The following LHFPL3 variants were observed in gnomAD, a reference collection of about 807,000 sequenced individuals.
The protein encoded by LHFPL3 is LHFPL tetraspan subfamily member 3 protein.
LHFPL3 carries 5 observed loss-of-function variants against 19.3 expected under a neutral mutation model. The ratio of observed to expected loss-of-function variants is 0.26; its 90% confidence interval spans 0.14 to 0.54. LHFPL3 has a LOEUF of 0.54. LHFPL3 is among the 20% of genes least tolerant of loss of function. The pLI is 0.94. For synonymous variants in LHFPL3, 133 were observed against 126.2 expected (o/e 1.05, Z -0.36); for missense variants, 249 against 307.4 (o/e 0.81, Z 1.42).
intron 2 of LHFPL3, among the ~76,000 whole-genome samples, chr7:104,807,011 A>ATGTGTGTGTGTGTGTGTGTGTG (rs10665231): frequency 3.6e-5 from 5 of 139,670 alleles, no homozygotes; most frequent in South Asian, 2.5e-4. Context: ...CAAAATATAT[A>ATGTGTGTGTGTGTGTGTGTGTG]TGTGTGTGTG....
At chr7:104,791,723 G>A (rs1266700319) in intron 2 of LHFPL3, among the ~76,000 whole-genome samples, 1 of 152,076 alleles carries the variant, frequency 6.6e-6, no homozygotes, top group Non-Finnish European at 1.5e-5. Flanking sequence ...GGAGAGATTC[G>A]GATTTTCAGG....
intron 1 of LHFPL3, among the ~76,000 whole-genome samples, chr7:104,571,026 CT>C (rs996732397): frequency 1.3e-5 from 2 of 152,092 alleles, no homozygotes; most frequent in Admixed American, 6.6e-5. Context: ...GTAAAAAGAG[CT>C]TTTTTGGAGA....
chr7:104,397,812 A>T (rs1791221942), intron 1 of LHFPL3, among the ~76,000 whole-genome samples: 1 of 152,214 alleles, frequency 6.6e-6, no homozygotes, highest in Non-Finnish European at 1.5e-5. Flanking sequence ...TTGGCTTTGG[A>T]GGAAGTGTGG....
At chr7:104,443,551 GA>G (rs1747082495) in intron 1 of LHFPL3, among the ~76,000 whole-genome samples, 1 of 152,238 alleles carries the variant, frequency 6.6e-6, no homozygotes, top group South Asian at 2.1e-4. Context: ...AGAATAGTCA[GA>G]AGCATTTAAG....
chr7:104,409,622 ATAAG>A (rs1562888788), intron 1 of LHFPL3, among the ~76,000 whole-genome samples: 1 of 152,174 alleles, frequency 6.6e-6, no homozygotes, highest in Non-Finnish European at 1.5e-5. Flanking sequence ...CCAAAAAAGA[ATAAG>A]TAAATAAATA....
chr7:104,899,963 C>A (rs1029839706), intron 2 of LHFPL3, among the ~76,000 whole-genome samples: 3 of 152,164 alleles, frequency 2.0e-5, no homozygotes, highest in Non-Finnish European at 4.4e-5. Flanking sequence ...AACTCCTGAC[C>A]TCAGGTGATT....
chr7:104,372,997 C>CAAAAAA (rs58010609), intron 1 of LHFPL3, among the ~76,000 whole-genome samples: 1 of 126,434 alleles, frequency 7.9e-6, no homozygotes, highest in African/African-American at 3.0e-5. Flanking sequence ...AGCTTCTTTA[C>CAAAAAA]AAAAAAAAAA....
At chr7:104,675,887 C>T (rs1163263931) in intron 1 of LHFPL3, among the ~76,000 whole-genome samples, 2 of 152,160 alleles carry the variant, frequency 1.3e-5, no homozygotes, top group Non-Finnish European at 2.9e-5. Context: ...CCCTCCAAAA[C>T]TGCTGGATGC....
At chr7:104,834,221 G>A (rs1791046616) in intron 2 of LHFPL3, among the ~76,000 whole-genome samples, 1 of 151,474 alleles carries the variant, frequency 6.6e-6, no homozygotes, top group South Asian at 2.1e-4. Context: ...GACACACCCA[G>A]GATCAATACT....
chr7:104,389,081 ATCTG>A (rs1277070382), intron 1 of LHFPL3, among the ~76,000 whole-genome samples: 1 of 152,162 alleles, frequency 6.6e-6, no homozygotes, highest in Non-Finnish European at 1.5e-5. Flanking sequence ...AAGTAAAACT[ATCTG>A]TTTGCAGATG....
chr7:104,386,050 C>T (rs1034221669), intron 1 of LHFPL3, among the ~76,000 whole-genome samples: 1 of 152,082 alleles, frequency 6.6e-6, no homozygotes, highest in Admixed American at 6.5e-5. Context: ...GAACAGTGAG[C>T]TTTGTGGCAT....
At chr7:104,663,044 T>C (rs1792261420) in intron 1 of LHFPL3, among the ~76,000 whole-genome samples, 1 of 152,210 alleles carries the variant, frequency 6.6e-6, no homozygotes, top group Non-Finnish European at 1.5e-5. Context: ...TTTAAAAAAA[T>C]AGTGTTTATT....
intron 1 of LHFPL3, among the ~76,000 whole-genome samples, chr7:104,536,115 A>T (rs118182013): frequency 1.1e-3 from 166 of 152,352 alleles, no homozygotes; most frequent in Non-Finnish European, 2.0e-3. Context: ...TGTAATTATA[A>T]GGGAGAACCA....
At chr7:104,374,329 C>T (rs1194406831) in intron 1 of LHFPL3, among the ~76,000 whole-genome samples, 2 of 151,914 alleles carry the variant, frequency 1.3e-5, no homozygotes, top group Non-Finnish European at 2.9e-5. Context: ...GCAACCTCCA[C>T]CTCCTGGGTT....
chr7:104,684,385 A>G (rs1316337866), intron 1 of LHFPL3, among the ~76,000 whole-genome samples: 2 of 152,278 alleles, frequency 1.3e-5, no homozygotes, highest in African/African-American at 4.8e-5. Context: ...TACAGGCACT[A>G]CTGGTAGATG....
At chr7:104,875,487 A>C (rs1353706824) in intron 2 of LHFPL3, among the ~76,000 whole-genome samples, 1 of 152,156 alleles carries the variant, frequency 6.6e-6, no homozygotes, top group Non-Finnish European at 1.5e-5. Context: ...ATCTGGGTGA[A>C]TTACTCATAG....
chr7:104,500,950 A>G (rs1221797010), intron 1 of LHFPL3, among the ~76,000 whole-genome samples: 3 of 152,182 alleles, frequency 2.0e-5, no homozygotes, highest in East Asian at 3.9e-4. Context: ...CATCTCTCCT[A>G]TAATCCCAGG....
intron 1 of LHFPL3, among the ~76,000 whole-genome samples, chr7:104,475,388 G>C (rs1277497657): frequency 6.6e-6 from 1 of 152,016 alleles, no homozygotes; most frequent in Non-Finnish European, 1.5e-5. Flanking sequence ...GGAACATTCT[G>C]ATTCTTTGGT....
chr7:104,685,570 T>C (rs6954910), intron 1 of LHFPL3, among the ~76,000 whole-genome samples: 6,587 of 152,206 alleles, frequency 0.043, 489 homozygotes, highest in African/African-American at 0.15. Flanking sequence ...GAGCCAGATT[T>C]TTGAGAGTCA....
Sources: gnomAD v4.1 joint callset for allele counts (sites outside exome capture counted in the v4.1 genomes callset) on GRCh38, gnomAD v4.1.1 for gene constraint, MANE v1.5 for transcripts, NCBI Gene and HGNC (gene_info 2026-07-23, HGNC 2026-07-21) for gene names.